Variants in ZNF547 observed in about 807,000 individuals in gnomAD.
ZNF547 encodes zinc finger protein 547.
Under a neutral mutation model 7.7 loss-of-function variants are expected in ZNF547, and 4 were observed. The observed-to-expected ratio is 0.52, with a 90% CI of 0.26 to 1.20. The LOEUF is 1.20. Ranked by LOEUF, ZNF547 falls within the 50% of genes most tolerant of loss-of-function variation. ZNF547 has a pLI of 0.14. For missense variants in ZNF547, 449 were observed against 485.8 expected (o/e 0.92, Z 0.71); for synonymous variants, 166 against 166.2 (o/e 1.00, Z 0.01).
chr19:57,375,207 G>A (rs909543533), intron 3 of ZNF547, among the ~76,000 whole-genome samples: 85 of 151,796 alleles, frequency 5.6e-4, no homozygotes, highest in African/African-American at 1.9e-3. Flanking sequence ...AAAATTAGCC[G>A]GGTATGGTGG....
intron 1 of ZNF547, 151 bp from the exon 2 acceptor site, chr19:57,368,393 A>G (rs1460514512): frequency 1.5e-6 from 1 of 656,208 alleles, no homozygotes; most frequent in South Asian, 1.9e-5. Context: ...CAGTGCTGCT[A>G]AGAGCCAACA....
rs749832031 is a variant in ZNF547 at position 57,377,569 on chromosome 19, C to T, written c.593C>T (p.Thr198Ile). ...KCGILFMERS[T>I]LNRHQRTHTG... The stretch of plus-strand genomic sequence containing the variant: ...GGGATATTGTTTATGGAAAGGTCCA[C>T]ACTCAATAGACATCAGAGAACTCAC... Residue 198 changes from threonine to isoleucine, a missense_variant, in exon 4 of 4, where the codon ACA becomes ATA. Thr to Ile is a moderately conservative substitution (Grantham distance 89). Coordinates refer to ENST00000282282, the MANE Select transcript of ZNF547 (RefSeq NM_173631.4). The T allele has an allele frequency of 1.2e-6, 2 of 1,614,200 alleles. No individual in the cohort carries two copies. Among genetic ancestry groups the T allele is most frequent in the South Asian group, 1.1e-5 (1 of 91,084 alleles).
chr19:57,369,171 TC>T (rs2088489304), intron 2 of ZNF547, among the ~76,000 whole-genome samples: 1 of 152,102 alleles, frequency 6.6e-6, no homozygotes, highest in Non-Finnish European at 1.5e-5. Flanking sequence ...GAGAGGATGT[TC>T]CTGCAGCAGT....
At chr19:57,373,078 G>C (rs1293841502) in intron 3 of ZNF547, among the ~76,000 whole-genome samples, 1 of 152,140 alleles carries the variant, frequency 6.6e-6, no homozygotes, top group Admixed American at 6.5e-5. Flanking sequence ...TCTGCTATTA[G>C]GAAATACCCA....
At chr19:57,371,560 G>A (rs1279452765) in intron 2 of ZNF547, 2 of 620,548 alleles carry the variant, frequency 3.2e-6, no homozygotes, top group Non-Finnish European at 5.3e-6. Context: ...CCTGTCCCTG[G>A]GTTGATTTAG....
chr19:57,377,095 A>G, intron 3 of ZNF547, 33 bp from the exon 4 acceptor site: 1 of 1,590,140 alleles, frequency 6.3e-7, no homozygotes, highest in Non-Finnish European at 8.6e-7. Context: ...ATCACAGTCA[A>G]CATGCACCTC....
At chr19:57,364,788 G>C in intron 1 of ZNF547, 1 of 1,494,210 alleles carries the variant, frequency 6.7e-7, no homozygotes, top group South Asian at 1.2e-5. Flanking sequence ...CTGACATTGC[G>C]TTTCCGTTGT....
At position 57,378,804 on chromosome 19, in the gene ZNF547, T is replaced by A. The variant is rs10402296; in HGVS notation, c.*619T>A. On this transcript the variant is annotated 3_prime_UTR_variant, in exon 4 of 4. Transcript: ENST00000282282. ...TGAGCAAAGAATATCCTGAACTCTT[T>A]ATCTTGTAAAATGAAACTCTATAAC... The A allele has an allele frequency of 0.021, 9,307 of 440,512 alleles. 691 individuals carry two copies. Among genetic ancestry groups the A allele is most frequent in the African/African-American group, 0.17 (8,207 of 49,352 alleles). 27.3% of individuals were successfully genotyped at this position (440,512 alleles called of 1,614,324 possible).
intron 1 of ZNF547, chr19:57,364,465 G>GTATCATTAAAA: frequency 7.3e-5 from 16 of 220,602 alleles, no homozygotes; most frequent in East Asian, 2.2e-4. Context: ...GAGGGTGGCC[G>GTATCATTAAAA]GGCGTGGTGG....
intron 2 of ZNF547, among the ~76,000 whole-genome samples, chr19:57,369,660 GTGTT>G (rs1451255995): frequency 1.3e-5 from 2 of 151,956 alleles, no homozygotes; most frequent in African/African-American, 4.8e-5. Context: ...AGGGAATGGA[GTGTT>G]TGTGGGGATG....
chr19:57,366,407 G>A lies in ZNF547; in HGVS notation c.-12-2137G>A, dbSNP rs562044454. ...GTATTTTTAGTAGAGACAGGGTTTCGCCATTTTGGCCAGGCTGGTCTTGAA... is the reference window on the plus strand; with the variant it reads ...GTATTTTTAGTAGAGACAGGGTTTCACCATTTTGGCCAGGCTGGTCTTGAA... On this transcript the variant is annotated intron_variant, in intron 1 of 3. Transcript: ENST00000282282. Among the ~76,000 whole-genome samples, 202 of 148,278 alleles carry A rather than the reference G, an allele frequency of 1.4e-3. 1 individual carries two copies. The highest frequency in any genetic ancestry group is 2.7e-3 in the Admixed American group (40 of 14,778).
chr19:57,377,567 C>T lies in ZNF547; in HGVS notation c.591C>T (p.Ser197=), dbSNP rs1417562700. 1 of 1,614,040 alleles carries T rather than the reference C, an allele frequency of 6.2e-7. No homozygotes were observed. The highest frequency in any genetic ancestry group is 1.7e-5 in the Admixed American group (1 of 59,988). Residue 197 remains serine, a synonymous_variant, in exon 4 of 4, where the codon TCC becomes TCT. Coordinates refer to ENST00000282282, the MANE Select transcript of ZNF547 (RefSeq NM_173631.4). ...SKCGILFMER[S]TLNRHQRTHT... ...GTGGGATATTGTTTATGGAAAGGTCCACACTCAATAGACATCAGAGAACTC... is the reference window on the plus strand; with the variant it reads ...GTGGGATATTGTTTATGGAAAGGTCTACACTCAATAGACATCAGAGAACTC...
rs1351834020 is a variant in ZNF547, at chr19:57,377,438, G to A, written c.462G>A (p.Lys154=). 9 of 1,614,132 alleles carry A rather than the reference G, an allele frequency of 5.6e-6. No homozygotes were observed. The highest frequency in any genetic ancestry group is 7.6e-6 in the Non-Finnish European group (9 of 1,180,058). The change falls in exon 4 of 4, where the codon AAG becomes AAA. Residue 154 remains lysine (K), a synonymous_variant. Transcript: ENST00000282282. The part of the protein sequence containing the change: ...VKNHRVHMAG[K]TFLCSECGKA... ...ACCACAGAGTTCACATGGCAGGGAA[G>A]ACCTTCTTGTGCAGTGAATGTGGGA...
chr19:57,365,488 T>A (rs1049545255), intron 1 of ZNF547: 2 of 458,438 alleles, frequency 4.4e-6, no homozygotes, highest in Non-Finnish European at 7.6e-6. Flanking sequence ...GAACTCATTA[T>A]CAATAATAAT....
chr19:57,364,829 A>C (rs746637274), intron 1 of ZNF547: 2 of 1,601,630 alleles, frequency 1.2e-6, no homozygotes. Flanking sequence ...CATATATTGA[A>C]GACCATGTCT....
intron 3 of ZNF547, among the ~76,000 whole-genome samples, chr19:57,374,612 A>G (rs144372385): frequency 6.6e-6 from 1 of 152,358 alleles, no homozygotes; most frequent in African/African-American, 2.4e-5. Context: ...CAAATTTTCC[A>G]AACTTTTCTG....
At chr19:57,369,899 C>T (rs868817350) in intron 2 of ZNF547, among the ~76,000 whole-genome samples, 1,510 of 51,478 alleles carry the variant, frequency 0.029, 6 homozygotes, top group Non-Finnish European at 0.031. Context: ...ACTCACAGTT[C>T]TTTTTTTTTT....
chr19:57,363,582 C>T lies in ZNF547; in HGVS notation c.-134C>T, dbSNP rs1050134825. The T allele has an allele frequency of 5.2e-5, 8 of 152,908 alleles. No homozygotes were observed. The highest frequency in any genetic ancestry group is 1.9e-4 in the African/African-American group (8 of 41,466). 9.5% of individuals were successfully genotyped at this position (152,908 alleles called of 1,614,324 possible). On this transcript the variant is annotated 5_prime_UTR_variant, in exon 1 of 4. Coordinates refer to ENST00000282282, the MANE Select transcript of ZNF547 (RefSeq NM_173631.4). The stretch of plus-strand genomic sequence containing the variant: ...AGAGGCGGTAGTGACACAGGCACAA[C>T]TGACAGTGGCAGAAGCTCAGCTGAC...
At position 57,368,372 on chromosome 19, in the gene ZNF547, TTCTAGAGTCACAG is replaced by T. The variant is rs973705458; in HGVS notation, c.-12-170_-12-158del. 2.3e-5 allele frequency: 14 copies of T among 606,490 alleles called. No homozygotes were observed. In the African/African-American group the frequency reaches 2.4e-4, roughly 11 times the overall value. 37.6% of individuals were successfully genotyped at this position (606,490 alleles called of 1,614,324 possible). A position where few individuals can be genotyped will look rare whatever the true frequency, so the allele number is the denominator to read the frequency against. ...TGAAGCTCCAGCAGGTTCAGTTCTT[TTCTAGAGTCACAG>T]TGCTGCTAAGAGCCAACAGTGAAGT... On this transcript the variant is annotated intron_variant, in intron 1 of 3. Coordinates refer to ENST00000282282, the MANE Select transcript of ZNF547 (RefSeq NM_173631.4).
Sources: allele counts gnomAD v4.1 joint callset (sites outside exome capture counted in the v4.1 genomes callset), GRCh38; gene constraint gnomAD v4.1.1; transcripts MANE v1.5; gene names NCBI Gene and HGNC (gene_info 2026-07-23, HGNC 2026-07-21).